ANKEF1: variants seen among roughly 807,000 people sequenced by gnomAD.
The protein encoded by ANKEF1 is ankyrin repeat and EF-hand domain-containing protein 1.
In ANKEF1, 43 loss-of-function variants were observed where a neutral mutation model predicts 65.1. The observed-to-expected ratio is 0.66, with a 90% confidence interval of 0.52 to 0.85. ANKEF1 has a LOEUF of 0.85. Among genes scored for constraint, ANKEF1 ranks in the 40% least tolerant of loss-of-function variants. ANKEF1 has a pLI of 0.00. For synonymous variants in ANKEF1, 316 were observed against 341.5 expected, an observed-to-expected ratio of 0.93 and a Z score of 0.82; for missense variants, 934 against 952.9, an observed-to-expected ratio of 0.98 and a Z score of 0.26.
chr20:10,038,483 T>A lies in ANKEF1; in HGVS notation c.182T>A (p.Ile61Asn), dbSNP rs779735874. 6.2e-7 allele frequency: 1 copy of A among 1,614,102 alleles called. No homozygotes were observed. The highest frequency in any genetic ancestry group is 8.5e-7 in the Non-Finnish European group (1 of 1,180,050). ...ALHLASVSND[I>N]DMVSFLLDLG... ...CACTTAGCCTCAGTTTCCAATGATA[T>A]TGATATGGTCAGCTTTCTCCTTGAC... The change falls in exon 3 of 11, where the codon ATT becomes AAT. Residue 61 changes from isoleucine (I) to asparagine (N), a missense_variant. Physicochemically the swap from Ile to Asn is moderately radical, Grantham distance 149. Transcript: ENST00000378392.
At position 10,057,821 on chromosome 20, in the gene ANKEF1, G is replaced by T. The variant is rs2122296894; in HGVS notation, c.*2161G>T. The T allele has an allele frequency of 6.6e-6, 1 of 152,236 alleles. No homozygotes were observed. Among genetic ancestry groups the T allele is most frequent in the East Asian group, 1.9e-4 (1 of 5,184 alleles). 9.4% of individuals were successfully genotyped at this position (152,236 alleles called of 1,614,324 possible). A position where few individuals can be genotyped will look rare whatever the true frequency, so the allele number is the denominator to read the frequency against. ...CCCAATAATTTCCTTTGTACTCCCA[G>T]GTCATGAAATACATTCGCTTGCCCC... On this transcript the variant is annotated 3_prime_UTR_variant, in exon 11 of 11. Transcript: ENST00000378392.
At chr20:10,053,334 G>C (rs1429583622) in intron 9 of ANKEF1, 59 bp downstream of exon 9, 20 of 1,492,346 alleles carry the variant, frequency 1.3e-5, no homozygotes, top group Non-Finnish European at 1.7e-5. Context: ...TCTGTTTGGG[G>C]GAAGGCAGAA....
At position 10,056,496 on chromosome 20, in the gene ANKEF1, T is replaced by TGATTGATAGATAGATA. The variant is rs1555773775; in HGVS notation, c.*839_*840insTGATAGATAGATAGAT. The TGATTGATAGATAGATA allele has an allele frequency of 7.0e-6, 1 of 143,714 alleles. No individual in the cohort carries two copies. The highest frequency in any genetic ancestry group is 2.6e-5 in the African/African-American group (1 of 38,022). 8.9% of individuals were successfully genotyped at this position (143,714 alleles called of 1,614,324 possible). A position where few individuals can be genotyped will look rare whatever the true frequency, so the allele number is the denominator to read the frequency against. The stretch of plus-strand genomic sequence containing the variant: ...GATAGATGATAGATAGATAGATAGA[T>TGATTGATAGATAGATA]GATAGATAGATAGATAGATAGATAG... On this transcript the variant is annotated 3_prime_UTR_variant, in exon 11 of 11. Coordinates refer to ENST00000378392, the MANE Select transcript of ANKEF1 (RefSeq NM_022096.6).
In ANKEF1 at chr20:10,045,632, A is replaced by G; in HGVS notation, c.755A>G (p.Asn252Ser). The G allele has an allele frequency of 1.2e-6, 2 of 1,613,848 alleles. No individual in the cohort carries two copies. The highest frequency in any genetic ancestry group is 1.7e-6 in the Non-Finnish European group (2 of 1,179,824). Residue 252 changes from asparagine (N) to serine (S), a missense_variant, in exon 6 of 11, where the codon AAC becomes AGC. Transcript: ENST00000378392. ...GTGGGGCTGATTTCGATAAATGGGA[A>G]CACACCACTTCATTATGCTGCCATG... ...GDVGLISING[N>S]TPLHYAAMGG... is the part of the protein sequence containing the mutation.
In ANKEF1 at chr20:10,055,888, T is replaced by G; in HGVS notation, c.*228T>G. The G allele has an allele frequency of 2.0e-6, 1 of 497,504 alleles. No individual in the cohort carries two copies. The highest frequency in any genetic ancestry group is 2.6e-5 in the South Asian group (1 of 38,856). 30.8% of individuals were successfully genotyped at this position (497,504 alleles called of 1,614,324 possible). On this transcript the variant is annotated 3_prime_UTR_variant, in exon 11 of 11. Coordinates refer to ENST00000378392, the MANE Select transcript of ANKEF1 (RefSeq NM_022096.6). ...CTGGATAAATCCCCAAGCCCCTTTATGAATGTAGTGAAATACATGGCATGT... is the reference window on the plus strand; with the variant it reads ...CTGGATAAATCCCCAAGCCCCTTTAGGAATGTAGTGAAATACATGGCATGT...
Position 10,050,114 on chromosome 20 carries a change from A to G in ANKEF1, c.1545A>G (p.Gly515=). Residue 515 remains glycine (G), a synonymous_variant, in exon 7 of 11, where the codon GGA becomes GGG. Coordinates refer to ENST00000378392, the MANE Select transcript of ANKEF1 (RefSeq NM_022096.6). ...LASLKKAFES[G]IPVDMKDNYY... ...CTCTGAAAAAGGCCTTTGAATCAGG[A>G]ATACCTGTGGATATGAAGGATAATT... 4 of 1,614,136 alleles carry G rather than the reference A, an allele frequency of 2.5e-6. No individual in the cohort carries two copies. Among genetic ancestry groups the G allele is most frequent in the Non-Finnish European group, 3.4e-6 (4 of 1,180,012 alleles).
At chr20:10,041,922 G>C (rs1244241438) in intron 3 of ANKEF1, among the ~76,000 whole-genome samples, 1 of 152,122 alleles carries the variant, frequency 6.6e-6, no homozygotes, top group African/African-American at 2.4e-5. Context: ...ACAAAGTCTT[G>C]ATTGGGTATA....
At position 10,055,569 on chromosome 20, in the gene ANKEF1, C is replaced by A. The variant is rs768449515; in HGVS notation, c.2240C>A (p.Thr747Lys). The A allele has an allele frequency of 3.1e-6, 5 of 1,613,794 alleles. No homozygotes were observed. The highest frequency in any genetic ancestry group is 2.2e-5 in the East Asian group (1 of 44,866). Residue 747 changes from threonine (T) to lysine (K), a missense_variant, in exon 11 of 11, where the codon ACA becomes AAA. By Grantham distance (78) the Thr-to-Lys change is moderately conservative. Coordinates refer to ENST00000378392, the MANE Select transcript of ANKEF1 (RefSeq NM_022096.6). Reference protein sequence around the residue: ...RKRELRRERFTHEVDFDDFMM... With the variant: ...RKRELRRERFKHEVDFDDFMM... ...AGGGAACTACGGCGAGAGAGGTTTA[C>A]ACATGAGGTGGACTTCGACGATTTT...
At chr20:10,054,679 C>A in intron 10 of ANKEF1, 80 bp downstream of exon 10, 1 of 1,380,100 alleles carries the variant, frequency 7.2e-7, no homozygotes, top group Non-Finnish European at 1.0e-6. Flanking sequence ...TGTAGAATAT[C>A]CAAACAAATC....
Position 10,049,727 on chromosome 20 carries a change from G to A in ANKEF1, c.1158G>A (p.Arg386=), listed in dbSNP as rs1984734664. 5.6e-6 allele frequency: 9 copies of A among 1,614,010 alleles called. No homozygotes were observed. Among genetic ancestry groups the A allele is most frequent in the South Asian group, 1.1e-5 (1 of 91,076 alleles). The part of the protein sequence containing the change: ...AAIAHLHEKT[R]GGGVNINEFF... ...TCGCTCACCTTCATGAGAAAACCCG[G>A]GGAGGAGGGGTCAATATTAATGAAT... The change falls in exon 7 of 11, where the codon CGG becomes CGA. Residue 386 remains arginine (R), a synonymous_variant. Transcript: ENST00000378392.
At position 10,043,151 on chromosome 20, in the gene ANKEF1, A is replaced by G. The variant is rs781564609; in HGVS notation, c.376A>G (p.Lys126Glu). ...GVLFYCILPT[K>E]RHYRCALIAL... Reference sequence around the variant, plus strand: ...TTTGTTTTACTGCATTTTACCGACTAAGCGGCATTATCGCTGTGCTCTGAT... The same window carrying G: ...TTTGTTTTACTGCATTTTACCGACTGAGCGGCATTATCGCTGTGCTCTGAT... The change falls in exon 4 of 11, where the codon AAG (lysine) becomes GAG (glutamate). Residue 126 changes from lysine to glutamate, a missense_variant. Physicochemically the swap from Lys to Glu is moderately conservative, Grantham distance 56 (BLOSUM62 1). Transcript: ENST00000378392. 6.2e-7 allele frequency: 1 copy of G among 1,614,174 alleles called. No individual in the cohort carries two copies. Among genetic ancestry groups the G allele is most frequent in the Non-Finnish European group, 8.5e-7 (1 of 1,180,026 alleles).
At chr20:10,048,426 G>A (rs993055062) in intron 6 of ANKEF1, among the ~76,000 whole-genome samples, 1 of 151,936 alleles carries the variant, frequency 6.6e-6, no homozygotes. Flanking sequence ...ATCCAATTAC[G>A]CTCTTTTAGC....
chr20:10,041,043 C>T (rs1235151844), intron 3 of ANKEF1, among the ~76,000 whole-genome samples: 2 of 151,232 alleles, frequency 1.3e-5, no homozygotes, highest in Non-Finnish European at 2.9e-5. Context: ...TTTTCATATA[C>T]ATTTTATTTT....
In ANKEF1 at chr20:10,051,679, A is replaced by G; in HGVS notation, c.1660A>G (p.Thr554Ala). 6.2e-7 allele frequency: 1 copy of G among 1,613,276 alleles called. No individual in the cohort carries two copies. Among genetic ancestry groups the G allele is most frequent in the African/African-American group, 1.3e-5 (1 of 75,024 alleles). Residue 554 changes from threonine to alanine, a missense_variant, in exon 8 of 11, where the codon ACA becomes GCA. By Grantham distance (58) the Thr-to-Ala change is moderately conservative. Coordinates refer to ENST00000378392, the MANE Select transcript of ANKEF1 (RefSeq NM_022096.6). ...ATTTTACAGAGCTAACGTTAATGCA[A>G]CAGATAACTTTCTGTGGACTCCACT... ...LLEKGANVNA[T>A]DNFLWTPLHF...
At chr20:10,048,006 C>G (rs568412149) in intron 6 of ANKEF1, among the ~76,000 whole-genome samples, 69 of 152,260 alleles carry the variant, frequency 4.5e-4, no homozygotes, top group African/African-American at 1.4e-3. Flanking sequence ...CAAAACCCCC[C>G]AGACACCCTG....
chr20:10,044,692 C>G, intron 5 of ANKEF1, 149 bp downstream of exon 5: 1 of 609,050 alleles, frequency 1.6e-6, no homozygotes, highest in Non-Finnish European at 2.5e-6. Flanking sequence ...CCAAATAATT[C>G]TAAAATTATA....
Position 10,043,208 on chromosome 20 carries a change from T to C in ANKEF1, c.433T>C (p.Ser145Pro). 1 of 1,614,204 alleles carries C rather than the reference T, an allele frequency of 6.2e-7. No individual in the cohort carries two copies. The highest frequency in any genetic ancestry group is 1.1e-5 in the South Asian group (1 of 91,084). Residue 145 changes from serine (S) to proline (P), a missense_variant, in exon 4 of 11, where the codon TCT becomes CCT. Physicochemically the swap from Ser to Pro is moderately conservative, Grantham distance 74. Transcript: ENST00000378392. Reference protein sequence around the residue: ...ALEHGADVNNSTYEGKPIFLR... With the variant: ...ALEHGADVNNPTYEGKPIFLR... Reference sequence around the variant, plus strand: ...TGAACATGGTGCAGATGTCAACAATTCTACCTATGAAGGAAAGCCAATATT... The same window carrying C: ...TGAACATGGTGCAGATGTCAACAATCCTACCTATGAAGGAAAGCCAATATT...
chr20:10,053,792 T>C (rs1486300686), intron 9 of ANKEF1, among the ~76,000 whole-genome samples: 3 of 152,200 alleles, frequency 2.0e-5, no homozygotes, highest in Non-Finnish European at 4.4e-5. Flanking sequence ...CCATTGTCTC[T>C]AGAATATCCT....
rs774120066 is a variant in ANKEF1, at chr20:10,053,160, T to C, written c.1919T>C (p.Ile640Thr). Reference protein sequence around the residue: ...VAKAYADYRIIDLIKEKLDNL... With the variant: ...VAKAYADYRITDLIKEKLDNL... ...AAGGCATATGCTGATTATAGAATAA[T>C]TGATCTGATTAAAGAAAAGCTAGAT... is the stretch of plus-strand genomic sequence containing the variant. The change falls in exon 9 of 11, where the codon ATT (isoleucine) becomes ACT (threonine). Residue 640 changes from isoleucine to threonine, a missense_variant. Physicochemically the swap from Ile to Thr is moderately conservative, Grantham distance 89. Coordinates refer to ENST00000378392, the MANE Select transcript of ANKEF1 (RefSeq NM_022096.6). The C allele has an allele frequency of 1.9e-6, 3 of 1,611,628 alleles. No individual in the cohort carries two copies. Among genetic ancestry groups the C allele is most frequent in the Non-Finnish European group, 2.5e-6 (3 of 1,179,276 alleles).
Sources: allele counts gnomAD v4.1 joint callset (sites outside exome capture counted in the v4.1 genomes callset), GRCh38; gene constraint gnomAD v4.1.1; transcripts MANE v1.5; gene names NCBI Gene and HGNC (gene_info 2026-07-23, HGNC 2026-07-21).